Variants in ARFGEF3 observed in about 807,000 individuals in gnomAD.
The protein encoded by ARFGEF3 is brefeldin A-inhibited guanine nucleotide-exchange protein 3.
Under a neutral mutation model 221.7 loss-of-function variants are expected in ARFGEF3, and 96 were observed. The observed-to-expected ratio is 0.43, with a 90% CI of 0.37 to 0.51. The LOEUF (loss-of-function observed/expected upper bound fraction) is 0.51, where lower values mean the gene tolerates loss of function less well. ARFGEF3 is among the 20% of genes least tolerant of loss of function. The pLI, the probability that ARFGEF3 is intolerant of heterozygous loss-of-function variation, is 0.00. For synonymous variants in ARFGEF3, 1,145 were observed against 1,126.8 expected, an observed-to-expected ratio of 1.02 and a Z score of -0.32; for missense variants, 2,410 against 2,789.9, an observed-to-expected ratio of 0.86 and a Z score of 3.07.
At chr6:138,174,862 G>A (rs984609368) in intron 2 of ARFGEF3, among the ~76,000 whole-genome samples, 1 of 152,090 alleles carries the variant, frequency 6.6e-6, no homozygotes, top group Admixed American at 6.5e-5. Context: ...GGTCAGTTGT[G>A]TACGTTAGTA....
At chr6:138,297,183 C>G (rs757486245) in intron 21 of ARFGEF3, among the ~76,000 whole-genome samples, 3 of 152,228 alleles carry the variant, frequency 2.0e-5, no homozygotes, top group South Asian at 4.1e-4. Flanking sequence ...GACCCTCTTT[C>G]TTTGCAATTG....
rs79189007 is a variant in ARFGEF3 at position 138,268,164 on chromosome 6, T to A, written c.2128+4553T>A. ...CTCTTGCCCCCTTGCAAGTGCCACT[T>A]CCATGATTAAAAATTAACAAAAGAG... On this transcript the variant is annotated intron_variant, in intron 12 of 33. Transcript: ENST00000251691. Among the ~76,000 whole-genome samples, 275 of 152,322 alleles carry A rather than the reference T, an allele frequency of 1.8e-3. 2 individuals carry two copies. Among genetic ancestry groups the A allele is most frequent in the African/African-American group, 5.6e-3 (232 of 41,578 alleles).
chr6:138,276,131 C>T (rs62432811), intron 12 of ARFGEF3, among the ~76,000 whole-genome samples: 8,572 of 152,164 alleles, frequency 0.056, 341 homozygotes, highest in Non-Finnish European at 0.092. Context: ...CCACACTTGG[C>T]TGGTATTGCC....
chr6:138,191,766 G>T (rs1777308006), intron 2 of ARFGEF3, among the ~76,000 whole-genome samples: 1 of 152,086 alleles, frequency 6.6e-6, no homozygotes, highest in Non-Finnish European at 1.5e-5. Context: ...GTTCTTTCAG[G>T]TAGTCTTCTC....
At chr6:138,166,167 A>T (rs1776718000) in intron 1 of ARFGEF3, among the ~76,000 whole-genome samples, 1 of 152,224 alleles carries the variant, frequency 6.6e-6, no homozygotes, top group African/African-American at 2.4e-5. Flanking sequence ...TTGCTTCTGC[A>T]CCTATAGTGG....
In ARFGEF3 at chr6:138,287,191, A is replaced by C; in HGVS notation, c.2896+7A>C. ...AGTGATGCCATCACACAAGGTAACAACTGGAGGGCCAGAACCCACCTGGTG... is the reference window on the plus strand; with the variant it reads ...AGTGATGCCATCACACAAGGTAACACCTGGAGGGCCAGAACCCACCTGGTG... On this transcript the variant is annotated splice_region_variant and intron_variant, in intron 17 of 33. Coordinates refer to ENST00000251691, the MANE Select transcript of ARFGEF3 (RefSeq NM_020340.5). 6.4e-7 allele frequency: 1 copy of C among 1,555,386 alleles called. No homozygotes were observed. The highest frequency in any genetic ancestry group is 8.7e-7 in the Non-Finnish European group (1 of 1,148,744).
intron 5 of ARFGEF3, among the ~76,000 whole-genome samples, chr6:138,237,540 A>G (rs1365653237): frequency 6.6e-6 from 1 of 152,152 alleles, no homozygotes; most frequent in African/African-American, 2.4e-5. Context: ...AGATTTCTCC[A>G]TGTAGTAGCC....
At chr6:138,175,060 T>G (rs994102073) in intron 2 of ARFGEF3, among the ~76,000 whole-genome samples, 1 of 152,174 alleles carries the variant, frequency 6.6e-6, no homozygotes, top group Non-Finnish European at 1.5e-5. Flanking sequence ...ATCAAACATA[T>G]TAGATGGAAT....
chr6:138,233,329 A>G (rs1006232331), intron 5 of ARFGEF3, among the ~76,000 whole-genome samples: 1 of 151,024 alleles, frequency 6.6e-6, no homozygotes, highest in Non-Finnish European at 1.5e-5. Flanking sequence ...TCACTAAAGT[A>G]TTTTTTAGAT....
At chr6:138,186,896 CTTTTTCTTT>C (rs1777195991) in intron 2 of ARFGEF3, among the ~76,000 whole-genome samples, 11 of 130,660 alleles carry the variant, frequency 8.4e-5, no homozygotes, top group Admixed American at 4.3e-4. Flanking sequence ...TCCTCTCATC[CTTTTTCTTT>C]TTTTTTTTTT....
chr6:138,247,899 A>G (rs1347206955), intron 8 of ARFGEF3, among the ~76,000 whole-genome samples: 1 of 152,212 alleles, frequency 6.6e-6, no homozygotes, highest in African/African-American at 2.4e-5. Context: ...TCATTTTAGT[A>G]ACTTCTTATA....
At chr6:138,265,124 C>T (rs919118555) in intron 12 of ARFGEF3, among the ~76,000 whole-genome samples, 10 of 152,012 alleles carry the variant, frequency 6.6e-5, no homozygotes, top group Non-Finnish European at 7.4e-5. Flanking sequence ...AGGATGGTCT[C>T]GATCTCCTGA....
chr6:138,178,040 G>A (rs938447041), intron 2 of ARFGEF3, among the ~76,000 whole-genome samples: 1 of 152,116 alleles, frequency 6.6e-6, no homozygotes, highest in African/African-American at 2.4e-5. Flanking sequence ...ACTTTTGTAT[G>A]CTTCCTTTAT....
rs1251123571 is a variant in ARFGEF3, at chr6:138,338,226, A to G, written c.*1740A>G. On this transcript the variant is annotated 3_prime_UTR_variant, in exon 34 of 34. Coordinates refer to ENST00000251691, the MANE Select transcript of ARFGEF3 (RefSeq NM_020340.5). Reference sequence around the variant, plus strand: ...TTAAAAGGCAATGAATTGTTGGGATATCAGTGAACTATGTTGTATACTTTT... The same window carrying G: ...TTAAAAGGCAATGAATTGTTGGGATGTCAGTGAACTATGTTGTATACTTTT... 2.0e-5 allele frequency: 3 copies of G among 152,272 alleles called. No individual in the cohort carries two copies. The highest frequency in any genetic ancestry group is 2.0e-4 in the Admixed American group (3 of 15,290). 9.4% of individuals were successfully genotyped at this position (152,272 alleles called of 1,614,324 possible).
At chr6:138,281,462 T>A (rs1779195325) in intron 14 of ARFGEF3, among the ~76,000 whole-genome samples, 1 of 152,152 alleles carries the variant, frequency 6.6e-6, no homozygotes, top group East Asian at 1.9e-4. Flanking sequence ...CCCTTTACCT[T>A]CCCTCCCTCT....
chr6:138,232,941 C>G (rs905203492), intron 5 of ARFGEF3, among the ~76,000 whole-genome samples: 1 of 152,134 alleles, frequency 6.6e-6, no homozygotes, highest in African/African-American at 2.4e-5. Flanking sequence ...CTCCCTGGCT[C>G]CCCCTCAGTC....
chr6:138,174,598 A>G (rs1023479426), intron 2 of ARFGEF3, among the ~76,000 whole-genome samples: 1 of 151,866 alleles, frequency 6.6e-6, no homozygotes, highest in African/African-American at 2.4e-5. Flanking sequence ...TATATGGGAA[A>G]GAAACCAAGT....
chr6:138,247,605 C>T (rs1181152487), intron 8 of ARFGEF3, among the ~76,000 whole-genome samples: 5 of 152,192 alleles, frequency 3.3e-5, no homozygotes, highest in African/African-American at 1.2e-4. Flanking sequence ...TCACTATTGG[C>T]TCAACTACAT....
At chr6:138,302,240 C>T (rs755008148) in intron 22 of ARFGEF3, among the ~76,000 whole-genome samples, 9 of 151,874 alleles carry the variant, frequency 5.9e-5, no homozygotes, top group South Asian at 2.1e-4. Flanking sequence ...AAAATAAGGA[C>T]TCTAAATATA....
Sources: gnomAD v4.1 joint callset for allele counts (sites outside exome capture counted in the v4.1 genomes callset) on GRCh38, gnomAD v4.1.1 for gene constraint, MANE v1.5 for transcripts, NCBI Gene and HGNC (gene_info 2026-07-23, HGNC 2026-07-21) for gene names.